The following DERA variants were observed in gnomAD, a reference collection of about 807,000 sequenced individuals.
DERA encodes the protein deoxyribose-phosphate aldolase.
In DERA, 15 loss-of-function variants were observed where a neutral mutation model predicts 41.1. That is an observed-to-expected ratio of 0.37 (90% CI 0.24 to 0.56). The LOEUF (loss-of-function observed/expected upper bound fraction) is 0.56, where lower values mean the gene tolerates loss of function less well. DERA is among the 20% of genes least tolerant of loss of function. DERA has a pLI of 0.81. For missense variants in DERA, 396 were observed against 403.4 expected (o/e 0.98, Z 0.16); for synonymous variants, 139 against 137.4 (o/e 1.01, Z -0.08).
At chr12:15,934,907 T>C (rs913561464) in intron 1 of DERA, among the ~76,000 whole-genome samples, 1 of 152,070 alleles carries the variant, frequency 6.6e-6, no homozygotes, top group Admixed American at 6.5e-5. Context: ...GCTAGCAGAG[T>C]AAAAAGTACT....
Position 15,972,794 on chromosome 12 carries a change from A to T in DERA, c.509-9514A>T, listed in dbSNP as rs2136156253. On this transcript the variant is annotated intron_variant, in intron 5 of 8. Transcript: ENST00000428559. This position sits in a 1 kb window ranked among gnomAD's most constrained non-coding sequence, Gnocchi z 4.4. ...GGATCTGCGTTCAGGGATCAGTGGG[A>T]GTGGTGCGGGACTCCACGATCTAGT... 6.6e-6 allele frequency among the ~76,000 whole-genome samples: 1 copy of T among 152,230 alleles called. No individual in the cohort carries two copies. The highest frequency in any genetic ancestry group is 1.9e-4 in the East Asian group (1 of 5,156).
chr12:15,964,536 T>C (rs1948610137), intron 5 of DERA, among the ~76,000 whole-genome samples: 1 of 152,254 alleles, frequency 6.6e-6, no homozygotes, highest in Admixed American at 6.5e-5. Context: ...TTTAAATAGA[T>C]ATCTCTGTTC....
At chr12:16,030,153 T>TG (rs1293583519) in intron 6 of DERA, among the ~76,000 whole-genome samples, 1 of 151,176 alleles carries the variant, frequency 6.6e-6, no homozygotes, top group Non-Finnish European at 1.5e-5. Context: ...AGGCTGGTCT[T>TG]GAACTTCTGA....
intron 1 of DERA, among the ~76,000 whole-genome samples, chr12:15,920,295 C>T (rs1948233334): frequency 6.6e-6 from 1 of 152,130 alleles, no homozygotes; most frequent in African/African-American, 2.4e-5. Flanking sequence ...TCAGTCCAAC[C>T]CCCTTCTGTT....
chr12:15,946,785 T>A (rs1948453150), intron 1 of DERA, among the ~76,000 whole-genome samples: 1 of 152,198 alleles, frequency 6.6e-6, no homozygotes, highest in East Asian at 1.9e-4. Flanking sequence ...ATGTGTTCGC[T>A]CTTGCTTCTC....
Position 16,036,761 on chromosome 12 carries a change from C to A in DERA, c.*15C>A. On this transcript the variant is annotated 3_prime_UTR_variant, in exon 9 of 9. Transcript: ENST00000428559. This position sits in a 1 kb window ranked among gnomAD's most constrained non-coding sequence, Gnocchi z 4.9. ...CAATGTCTTAAATCAGTCACCAGTT[C>A]CAGAAAAGTTCTTTACGACAATGTT... is the stretch of plus-strand genomic sequence containing the variant. 1 of 1,558,548 alleles carries A rather than the reference C, an allele frequency of 6.4e-7. No individual in the cohort carries two copies. Among genetic ancestry groups the A allele is most frequent in the Non-Finnish European group, 8.7e-7 (1 of 1,150,462 alleles).
At position 16,017,491 on chromosome 12, in the gene DERA, CT is replaced by C. The variant is rs1398627270; in HGVS notation, c.638-15048del. 6.6e-6 allele frequency among the ~76,000 whole-genome samples: 1 copy of C among 152,178 alleles called. No individual in the cohort carries two copies. Among genetic ancestry groups the C allele is most frequent in the Non-Finnish European group, 1.5e-5 (1 of 68,026 alleles). On this transcript the variant is annotated intron_variant, in intron 6 of 8. Transcript: ENST00000428559. The surrounding 1 kb of genome is among the most constrained non-coding windows in gnomAD (Gnocchi z 5.5). Reference sequence around the variant, plus strand: ...TTATCCTTGGATCATGTAAGCATGTCTTTGTGGAATCACAGTCTCCAGATTT... The same window carrying C: ...TTATCCTTGGATCATGTAAGCATGTCTTGTGGAATCACAGTCTCCAGATTT...
chr12:15,955,119 G>C (rs1229814910), intron 1 of DERA, among the ~76,000 whole-genome samples: 2 of 152,036 alleles, frequency 1.3e-5, no homozygotes, highest in Non-Finnish European at 2.9e-5. Context: ...GGCCAACATG[G>C]TGAAACCCTG....
rs1949011109 is a variant in DERA at position 16,020,446 on chromosome 12, G to A, written c.638-12096G>A. 6.6e-6 allele frequency among the ~76,000 whole-genome samples: 1 copy of A among 152,134 alleles called. No homozygotes were observed. Among genetic ancestry groups the A allele is most frequent in the South Asian group, 2.1e-4 (1 of 4,822 alleles). On this transcript the variant is annotated intron_variant, in intron 6 of 8. Coordinates refer to ENST00000428559, the MANE Select transcript of DERA (RefSeq NM_015954.4). The surrounding 1 kb of genome is among the most constrained non-coding windows in gnomAD (Gnocchi z 5.5). ...GGGGTTACAATTTGACATGAGATTT[G>A]GGCAGAGACACAGACCTAAACCATA... is the stretch of plus-strand genomic sequence containing the variant.
chr12:15,951,136 C>T (rs983893473), intron 1 of DERA, among the ~76,000 whole-genome samples: 1 of 152,224 alleles, frequency 6.6e-6, no homozygotes, highest in East Asian at 1.9e-4. Context: ...GGCCCAGGGA[C>T]AGTCTGTGCC....
Position 15,959,746 on chromosome 12 carries a change from G to A in DERA, c.278-83G>A. The A allele has an allele frequency of 1.1e-6, 1 of 898,936 alleles. No homozygotes were observed. Among genetic ancestry groups the A allele is most frequent in the African/African-American group, 1.7e-5 (1 of 60,118 alleles). The allele number at this position is 898,936 out of a possible 1,614,324, so 55.7% of individuals were successfully genotyped here. On this transcript the variant is annotated intron_variant, in intron 3 of 8. Coordinates refer to ENST00000428559, the MANE Select transcript of DERA (RefSeq NM_015954.4). The surrounding 1 kb of genome is among the most constrained non-coding windows in gnomAD (Gnocchi z 4.5). Reference sequence around the variant, plus strand: ...TTTTTCTCATTTGATTTTTGCCAGTGTTGCGATATAAATAATAATTAAAAG... The same window carrying A: ...TTTTTCTCATTTGATTTTTGCCAGTATTGCGATATAAATAATAATTAAAAG...
chr12:15,958,265 A>G lies in DERA; in HGVS notation c.207A>G (p.Gln69=), dbSNP rs1267680704. 3 of 1,599,022 alleles carry G rather than the reference A, an allele frequency of 1.9e-6. No homozygotes were observed. Among genetic ancestry groups the G allele is most frequent in the Non-Finnish European group, 2.6e-6 (3 of 1,172,080 alleles). Residue 69 remains glutamine, a synonymous_variant, in exon 3 of 9, where the codon CAA becomes CAG. Transcript: ENST00000428559. Reference sequence around the variant, plus strand: ...GTGATGATACATCTTCCAACATTCAAAGGCTCTGTTATAAAGCCAAATACC... The same window carrying G: ...GTGATGATACATCTTCCAACATTCAGAGGCTCTGTTATAAAGCCAAATACC... ...LSGDDTSSNI[Q]RLCYKAKYPI... is the part of the protein sequence containing the mutation.
rs894690300 is a variant in DERA, at chr12:16,020,148, C to T, written c.638-12394C>T. On this transcript the variant is annotated intron_variant, in intron 6 of 8. Coordinates refer to ENST00000428559, the MANE Select transcript of DERA (RefSeq NM_015954.4). The surrounding 1 kb of genome is among the most constrained non-coding windows in gnomAD (Gnocchi z 5.5). ...TCTGCAGAATTGTGAGCCAATTAAA[C>T]CTCTTTTCTTTATAAATTACCCAAT... Among the ~76,000 whole-genome samples, 25 of 152,168 alleles carry T rather than the reference C, an allele frequency of 1.6e-4. No homozygotes were observed. In the East Asian group the frequency reaches 3.1e-3, roughly 19 times the overall value.
intron 6 of DERA, among the ~76,000 whole-genome samples, chr12:16,031,706 T>C (rs1949093559): frequency 6.6e-6 from 1 of 152,210 alleles, no homozygotes. Flanking sequence ...TAGATTACTT[T>C]GGTTAAAATC....
Position 15,972,358 on chromosome 12 carries a change from C to A in DERA, c.508+9411C>A. On this transcript the variant is annotated intron_variant, in intron 5 of 8. Transcript: ENST00000428559. This position sits in a 1 kb window ranked among gnomAD's most constrained non-coding sequence, Gnocchi z 4.4. ...GGCCTCGCGGCCCTTCTTGTTGCTC[C>A]CAGAACTGTGGGGTGAACTGATCAC... The A allele has an allele frequency of 6.4e-6, 1 of 155,314 alleles. No individual in the cohort carries two copies. Among genetic ancestry groups the A allele is most frequent in the South Asian group, 1.8e-4 (1 of 5,514 alleles). The allele number at this position is 155,314 out of a possible 1,614,324, so 9.6% of individuals were successfully genotyped here.
chr12:15,961,150 C>T (rs1948584923), intron 4 of DERA, among the ~76,000 whole-genome samples: 1 of 152,192 alleles, frequency 6.6e-6, no homozygotes, highest in Non-Finnish European at 1.5e-5. Flanking sequence ...AGACTTGTCA[C>T]AGTACATGCA....
Position 16,036,440 on chromosome 12 carries a change from G to C in DERA, c.900+59G>C. 6 of 1,528,536 alleles carry C rather than the reference G, an allele frequency of 3.9e-6. No homozygotes were observed. In the Admixed American group the frequency reaches 1.2e-4, roughly 32 times the overall value. The allele number at this position is 1,528,536 out of a possible 1,614,324, so 94.7% of individuals were successfully genotyped here. ...ACAAGTGTTTTTTGAGAAAGGAATT[G>C]AAAAGTCAAATTGAGAACTGGAGAT... On this transcript the variant is annotated intron_variant, in intron 8 of 8. Coordinates refer to ENST00000428559, the MANE Select transcript of DERA (RefSeq NM_015954.4). This position sits in a 1 kb window ranked among gnomAD's most constrained non-coding sequence, Gnocchi z 4.9.
rs1948780503 is a variant in DERA at position 15,988,536 on chromosome 12, T to C, written c.637+6100T>C. On this transcript the variant is annotated intron_variant, in intron 6 of 8. Transcript: ENST00000428559. This position sits in a 1 kb window ranked among gnomAD's most constrained non-coding sequence, Gnocchi z 6.0. ...TGAGTCTGACTGAGTCTGAGGTTTT[T>C]ATATGCTCAGAATGAAGGAAGTGCA... Among the ~76,000 whole-genome samples, 1 of 152,134 alleles carries C rather than the reference T, an allele frequency of 6.6e-6. No individual in the cohort carries two copies. The highest frequency in any genetic ancestry group is 6.5e-5 in the Admixed American group (1 of 15,290).
Position 15,918,090 on chromosome 12 carries a change from T to C in DERA, c.31+6676T>C, listed in dbSNP as rs1004308058. Among the ~76,000 whole-genome samples, 2 of 152,188 alleles carry C rather than the reference T, an allele frequency of 1.3e-5. No individual in the cohort carries two copies. The highest frequency in any genetic ancestry group is 2.9e-5 in the Non-Finnish European group (2 of 68,038). On this transcript the variant is annotated intron_variant, in intron 1 of 8. Transcript: ENST00000428559. This position sits in a 1 kb window ranked among gnomAD's most constrained non-coding sequence, Gnocchi z 4.3. ...TTTATCCCAGTGTTCTCCCTTTCCA[T>C]ATTTGAAACACTCCACATGCTTCCC...
Sources: gnomAD v4.1 joint callset for allele counts (sites outside exome capture counted in the v4.1 genomes callset) on GRCh38, gnomAD v4.1.1 for gene constraint, Gnocchi (gnomAD v3.1) non-coding constraint, MANE v1.5 for transcripts, NCBI Gene and HGNC (gene_info 2026-07-23, HGNC 2026-07-21) for gene names.